The following RAP1A variants were observed in gnomAD, a reference collection of about 807,000 sequenced individuals.
RAP1A encodes ras-related protein Rap-1A.
A neutral mutation model predicts 26.4 loss-of-function variants in RAP1A; 6 were observed. The ratio of observed to expected loss-of-function variants is 0.23; its 90% confidence interval spans 0.12 to 0.45. The LOEUF (loss-of-function observed/expected upper bound fraction) is 0.45. Ranked by LOEUF, RAP1A falls within the 20% of genes least tolerant of loss-of-function variation. RAP1A has a pLI of 0.99. For synonymous variants in RAP1A, 73 were observed against 79.4 expected, an observed-to-expected ratio of 0.92 and a Z score of 0.43; for missense variants, 121 against 217.2, an observed-to-expected ratio of 0.56 and a Z score of 2.78.
chr1:111,598,162 C>T (rs889010313), intron 1 of RAP1A, among the ~76,000 whole-genome samples: 29 of 152,124 alleles, frequency 1.9e-4, no homozygotes, highest in African/African-American at 6.3e-4. Flanking sequence ...TTCTGCTATA[C>T]CATACATAAG....
At chr1:111,607,860 C>G (rs527611301) in intron 1 of RAP1A, among the ~76,000 whole-genome samples, 1 of 83,632 alleles carries the variant, frequency 1.2e-5, no homozygotes. Flanking sequence ...GCTGGCCGGG[C>G]GGGGCCTGAC....
intron 1 of RAP1A, among the ~76,000 whole-genome samples, chr1:111,668,677 C>T (rs530699833): frequency 4.7e-4 from 72 of 152,092 alleles, no homozygotes; most frequent in Non-Finnish European, 9.0e-4. Context: ...AGAAAGATAG[C>T]GAGGTTATGA....
At chr1:111,670,854 G>A (rs774547238) in intron 1 of RAP1A, among the ~76,000 whole-genome samples, 2 of 152,170 alleles carry the variant, frequency 1.3e-5, no homozygotes, top group Non-Finnish European at 2.9e-5. Flanking sequence ...TGTCATAATA[G>A]TATATCAAGT....
At chr1:111,632,523 G>C (rs1025312930) in intron 1 of RAP1A, among the ~76,000 whole-genome samples, 3 of 152,068 alleles carry the variant, frequency 2.0e-5, no homozygotes, top group Non-Finnish European at 2.9e-5. Context: ...TGTGGAAAAG[G>C]AATTTATTTT....
chr1:111,658,855 A>G, intron 1 of RAP1A, among the ~76,000 whole-genome samples: 1 of 152,216 alleles, frequency 6.6e-6, no homozygotes, highest in East Asian at 1.9e-4. Context: ...CTCCAGCTAT[A>G]ATAATGGATT....
chr1:111,597,537 C>G (rs1195771320), intron 1 of RAP1A, among the ~76,000 whole-genome samples: 1 of 152,004 alleles, frequency 6.6e-6, no homozygotes, highest in Non-Finnish European at 1.5e-5. Context: ...TGACACTCCT[C>G]TGTTTATATT....
intron 1 of RAP1A, among the ~76,000 whole-genome samples, chr1:111,543,134 A>G (rs1656905474): frequency 6.6e-6 from 1 of 152,194 alleles, no homozygotes; most frequent in South Asian, 2.1e-4. Context: ...ACACAGAGAG[A>G]CACACACACA....
intron 1 of RAP1A, among the ~76,000 whole-genome samples, chr1:111,548,241 A>C (rs961661304): frequency 1.7e-4 from 26 of 152,130 alleles, no homozygotes; most frequent in Admixed American, 1.0e-3. Context: ...GACTGGTCTC[A>C]AACTCCTGGC....
At chr1:111,685,427 A>C (rs1661438539) in intron 1 of RAP1A, among the ~76,000 whole-genome samples, 1 of 42,944 alleles carries the variant, frequency 2.3e-5, no homozygotes, top group Admixed American at 2.7e-4. Context: ...ACAAATTTAC[A>C]AAAAAAAGAA....
chr1:111,709,134 C>G lies in RAP1A; in HGVS notation c.469-15C>G, dbSNP rs754798143. On this transcript the variant is annotated splice_polypyrimidine_tract_variant and intron_variant, in intron 6 of 7. Coordinates refer to ENST00000369709, the MANE Select transcript of RAP1A (RefSeq NM_002884.4). ...AACTGGTGGAGTAAGTACTTTTTTTCTTGTTTTTACTTAGATATTTTATGA... is the reference window on the plus strand; with the variant it reads ...AACTGGTGGAGTAAGTACTTTTTTTGTTGTTTTTACTTAGATATTTTATGA... 5.7e-6 allele frequency: 9 copies of G among 1,590,846 alleles called. No individual in the cohort carries two copies. In the African/African-American group the frequency reaches 1.2e-4, roughly 22 times the overall value.
At chr1:111,651,446 A>T (rs1369232762) in intron 1 of RAP1A, among the ~76,000 whole-genome samples, 1 of 150,598 alleles carries the variant, frequency 6.6e-6, no homozygotes, top group Non-Finnish European at 1.5e-5. Flanking sequence ...TTTATATTGC[A>T]TAATGCCTAT....
rs1372419730 is a variant in RAP1A at position 111,619,858 on chromosome 1, C to A, written c.-104C>A. On this transcript the variant is annotated 5_prime_UTR_variant, in exon 1 of 8. Coordinates refer to ENST00000369709, the MANE Select transcript of RAP1A (RefSeq NM_002884.4). The stretch of plus-strand genomic sequence containing the variant: ...CGCCGCGCAGAGCCGGAGCAGGAGC[C>A]ACGGCCGAGAGGAGGGAGGAGGAGG... 5.0e-6 allele frequency: 2 copies of A among 397,588 alleles called. No individual in the cohort carries two copies. The highest frequency in any genetic ancestry group is 4.4e-6 in the Non-Finnish European group (1 of 226,054). 24.6% of individuals were successfully genotyped at this position (397,588 alleles called of 1,614,324 possible).
chr1:111,559,992 T>G (rs988636768), intron 1 of RAP1A, among the ~76,000 whole-genome samples: 2 of 152,200 alleles, frequency 1.3e-5, no homozygotes, highest in Non-Finnish European at 2.9e-5. Context: ...CAAAGGTTCT[T>G]GACACATCAA....
intron 6 of RAP1A, among the ~76,000 whole-genome samples, chr1:111,707,548 A>T (rs1475642013): frequency 6.6e-6 from 1 of 152,210 alleles, no homozygotes; most frequent in African/African-American, 2.4e-5. Flanking sequence ...CAATGATTAG[A>T]ATCCTAAAAA....
intron 1 of RAP1A, among the ~76,000 whole-genome samples, chr1:111,657,278 T>C (rs1198621572): frequency 1.3e-5 from 2 of 152,370 alleles, no homozygotes; most frequent in East Asian, 3.9e-4. Flanking sequence ...CAAAACTTTG[T>C]TTCATGCACA....
At chr1:111,655,891 C>T (rs1273675147) in intron 1 of RAP1A, among the ~76,000 whole-genome samples, 1 of 151,666 alleles carries the variant, frequency 6.6e-6, no homozygotes, top group Non-Finnish European at 1.5e-5. Context: ...GACGGGGTTT[C>T]ACCATTCACA....
chr1:111,681,630 G>A (rs899648387), intron 1 of RAP1A, among the ~76,000 whole-genome samples: 3 of 152,188 alleles, frequency 2.0e-5, no homozygotes, highest in Non-Finnish European at 4.4e-5. Context: ...ATGAATTAAA[G>A]CGTGAAGACA....
intron 7 of RAP1A, among the ~76,000 whole-genome samples, chr1:111,710,945 C>T (rs1662365700): frequency 6.6e-6 from 1 of 152,206 alleles, no homozygotes; most frequent in South Asian, 2.1e-4. Context: ...TATTCTCCTG[C>T]CTCAACCTCC....
chr1:111,625,827 TCA>T (rs1285894778), intron 1 of RAP1A, among the ~76,000 whole-genome samples: 2 of 152,136 alleles, frequency 1.3e-5, no homozygotes, highest in African/African-American at 2.4e-5. Context: ...CCTTTTTCTT[TCA>T]CAGAGTCTTG....
Sources: allele counts gnomAD v4.1 joint callset (sites outside exome capture counted in the v4.1 genomes callset), GRCh38; gene constraint gnomAD v4.1.1; transcripts MANE v1.5; gene names NCBI Gene and HGNC (gene_info 2026-07-23, HGNC 2026-07-21).